DNAI7: variants seen among roughly 807,000 people sequenced by gnomAD.
DNAI7 encodes dynein axonemal intermediate chain 7.
DNAI7 carries 78 observed loss-of-function variants against 86.6 expected under a neutral mutation model. The ratio of observed to expected loss-of-function variants is 0.90; its 90% confidence interval spans 0.75 to 1.09. The LOEUF (loss-of-function observed/expected upper bound fraction) is 1.09. DNAI7 is among the 50% of genes least tolerant of loss of function. The probability of loss-of-function intolerance (pLI) is 0.00; values close to 1 mark genes in which losing one functional copy is unlikely to be tolerated. For synonymous variants in DNAI7, 274 were observed against 273.0 expected (o/e 1.00, Z -0.04); for missense variants, 753 against 810.2 (o/e 0.93, Z 0.86).
At chr12:25,132,426 G>A (rs1320876330) in intron 9 of DNAI7, among the ~76,000 whole-genome samples, 1 of 151,972 alleles carries the variant, frequency 6.6e-6, no homozygotes, top group East Asian at 1.9e-4. Flanking sequence ...TCTTTCTATA[G>A]AAAAGTATAT....
intron 3 of DNAI7, among the ~76,000 whole-genome samples, chr12:25,160,387 G>A (rs993856642): frequency 1.3e-5 from 2 of 152,108 alleles, no homozygotes; most frequent in East Asian, 3.8e-4. Context: ...TCTTCGTAAA[G>A]CAACCTTTTT....
intron 9 of DNAI7, among the ~76,000 whole-genome samples, chr12:25,138,970 CAAG>C (rs1430238029): frequency 6.6e-6 from 1 of 150,776 alleles, no homozygotes; most frequent in East Asian, 1.9e-4. Flanking sequence ...CGAGATTAAC[CAAG>C]AAAAGAAGAG....
In DNAI7 at chr12:25,195,134, CA is replaced by C; in HGVS notation, c.-57del. On this transcript the variant is annotated 5_prime_UTR_variant, in exon 1 of 16. Transcript: ENST00000395987. Reference sequence around the variant, plus strand: ...AGAGTCGGAGCAGAAATTGTGTGGACAAACGCTCCCGGGTTGCCCGGACGAC... The same window carrying C: ...AGAGTCGGAGCAGAAATTGTGTGGACAACGCTCCCGGGTTGCCCGGACGAC... 6.3e-7 allele frequency: 1 copy of C among 1,587,114 alleles called. No individual in the cohort carries two copies. The highest frequency in any genetic ancestry group is 1.1e-5 in the South Asian group (1 of 90,528).
intron 9 of DNAI7, among the ~76,000 whole-genome samples, chr12:25,124,176 G>C (rs906714916): frequency 1.3e-5 from 2 of 151,974 alleles, no homozygotes; most frequent in Non-Finnish European, 2.9e-5. Context: ...GAAATTTAAA[G>C]CTAGTTATTC....
At chr12:25,173,913 TG>T (rs1166498215) in intron 2 of DNAI7, among the ~76,000 whole-genome samples, 10 of 127,628 alleles carry the variant, frequency 7.8e-5, no homozygotes, top group East Asian at 2.2e-4. Flanking sequence ...ATCATATATA[TG>T]GAATATATAT....
chr12:25,141,776 G>A (rs1431028060), intron 9 of DNAI7, among the ~76,000 whole-genome samples: 2 of 151,984 alleles, frequency 1.3e-5, no homozygotes, highest in Non-Finnish European at 2.9e-5. Flanking sequence ...GTTGCAGTGA[G>A]CTGAGATCAT....
intron 8 of DNAI7, among the ~76,000 whole-genome samples, chr12:25,144,900 A>G (rs1944636000): frequency 6.6e-6 from 1 of 152,120 alleles, no homozygotes; most frequent in East Asian, 1.9e-4. Flanking sequence ...CATCTCTGGA[A>G]GTTCCTTCTG....
intron 9 of DNAI7, among the ~76,000 whole-genome samples, chr12:25,141,207 T>C (rs1944149582): frequency 6.6e-6 from 1 of 152,108 alleles, no homozygotes; most frequent in Admixed American, 6.5e-5. Context: ...CAATGATAAA[T>C]AGATGATACC....
At position 25,120,317 on chromosome 12, in the gene DNAI7, G is replaced by GGAGAGAGAGAGAGAGAGAGAGA. The variant is rs369253749; in HGVS notation, c.1240-1038_1240-1017dup. Among the ~76,000 whole-genome samples, 137 of 80,764 alleles carry GGAGAGAGAGAGAGAGAGAGAGA rather than the reference G, an allele frequency of 1.7e-3. 19 individuals are homozygous for GGAGAGAGAGAGAGAGAGAGAGA. Among genetic ancestry groups the GGAGAGAGAGAGAGAGAGAGAGA allele is most frequent in the South Asian group, 8.1e-3 (16 of 1,974 alleles). 53.0% of individuals were successfully genotyped at this position (80,764 alleles called of 152,430 possible). Reference sequence around the variant, plus strand: ...AGAAGAGAGAGAGAGGCAGGAAGAGGGAGAGAGAGAGAGAGAGAGAGAGAG... The same window carrying GGAGAGAGAGAGAGAGAGAGAGA: ...AGAAGAGAGAGAGAGGCAGGAAGAGGGAGAGAGAGAGAGAGAGAGAGAGAGAGAGAGAGAGAGAGAGAGAGAG... On this transcript the variant is annotated intron_variant, in intron 11 of 15. Transcript: ENST00000395987.
chr12:25,174,486 T>C (rs1213595983), intron 2 of DNAI7, among the ~76,000 whole-genome samples: 1 of 70,128 alleles, frequency 1.4e-5, no homozygotes, highest in Non-Finnish European at 2.7e-5. Flanking sequence ...GGGATATATA[T>C]ATCATATATC....
In DNAI7 at chr12:25,144,541, ATGG is replaced by A; in HGVS notation, c.823_825del (p.Pro275del). On this transcript the variant is annotated inframe_deletion, in exon 9 of 16. Coordinates refer to ENST00000395987, the MANE Select transcript of DNAI7 (RefSeq NM_018272.5). ...GTTACTGCAGAAGTGTATTCTTTTG[ATGG>A]TGTTGAAACAGGGTGCAGTGCAGAA... 6.2e-7 allele frequency: 1 copy of A among 1,614,086 alleles called. No homozygotes were observed. The highest frequency in any genetic ancestry group is 1.1e-5 in the South Asian group (1 of 91,078).
chr12:25,161,550 T>C (rs962652657), intron 2 of DNAI7, among the ~76,000 whole-genome samples: 4 of 152,224 alleles, frequency 2.6e-5, no homozygotes, highest in South Asian at 2.1e-4. Flanking sequence ...AAAAGCAGTT[T>C]GAAAACTACA....
chr12:25,185,456 G>T (rs1253287246), intron 2 of DNAI7, among the ~76,000 whole-genome samples: 2 of 152,094 alleles, frequency 1.3e-5, no homozygotes, highest in African/African-American at 2.4e-5. Context: ...CTCATTTGAA[G>T]TATAAAAAAT....
chr12:25,120,343 G>GAGAGAGA (rs1941063595), intron 11 of DNAI7, among the ~76,000 whole-genome samples: 1 of 28,110 alleles, frequency 3.6e-5, no homozygotes, highest in African/African-American at 6.2e-5. Context: ...AGAGAGAGAG[G>GAGAGAGA]AAGGAAGGGG....
intron 2 of DNAI7, among the ~76,000 whole-genome samples, chr12:25,188,198 A>G (rs1423314945): frequency 6.6e-6 from 1 of 152,236 alleles, no homozygotes; most frequent in Non-Finnish European, 1.5e-5. Flanking sequence ...TAAAATGTAA[A>G]AAGATTAGTA....
At chr12:25,161,561 CTT>C (rs1042255927) in intron 2 of DNAI7, among the ~76,000 whole-genome samples, 5 of 152,148 alleles carry the variant, frequency 3.3e-5, no homozygotes, top group African/African-American at 1.2e-4. Context: ...GAAAACTACA[CTT>C]ATAAAATTGA....
intron 6 of DNAI7, among the ~76,000 whole-genome samples, chr12:25,152,100 T>C (rs1945621515): frequency 6.6e-6 from 1 of 152,206 alleles, no homozygotes; most frequent in East Asian, 1.9e-4. Flanking sequence ...AAGAAATAAA[T>C]ATTTGGTCTC....
Position 25,155,376 on chromosome 12 carries a change from AAAGTTCTTC to A in DNAI7, c.226_234del (p.Glu76_Leu78del). 1 of 1,605,490 alleles carries A rather than the reference AAAGTTCTTC, an allele frequency of 6.2e-7. No homozygotes were observed. On this transcript the variant is annotated inframe_deletion, in exon 5 of 16. Transcript: ENST00000395987. ...TCAGGAAAACACCTCTCTAATAAAT[AAAGTTCTTC>A]AAGTTCTTCATTTCTCCTTTCTAGA...
intron 1 of DNAI7, among the ~76,000 whole-genome samples, chr12:25,192,133 C>G (rs796749385): frequency 3.3e-5 from 5 of 152,206 alleles, no homozygotes; most frequent in African/African-American, 1.2e-4. Context: ...AAAGTAGAGA[C>G]TTTGCTGCCA....
Sources: gnomAD v4.1 joint callset for allele counts (sites outside exome capture counted in the v4.1 genomes callset) on GRCh38, gnomAD v4.1.1 for gene constraint, MANE v1.5 for transcripts, NCBI Gene and HGNC (gene_info 2026-07-23, HGNC 2026-07-21) for gene names.